The following HERC2 variants were observed in gnomAD, a reference collection of about 807,000 sequenced individuals.
HERC2 encodes HECT and RLD domain containing E3 ubiquitin protein ligase 2, also known as E3 ubiquitin-protein ligase HERC2.
HERC2 carries 102 observed loss-of-function variants against 537.7 expected under a neutral mutation model. The observed-to-expected ratio is 0.19, with a 90% confidence interval of 0.16 to 0.22. The LOEUF is 0.22. Among genes scored for constraint, HERC2 ranks in the 10% least tolerant of loss-of-function variants. The probability of loss-of-function intolerance (pLI) is 1.00; values close to 1 mark genes in which losing one functional copy is unlikely to be tolerated. For synonymous variants in HERC2, 2,224 were observed against 2,466.2 expected (o/e 0.90, Z 2.91); for missense variants, 4,236 against 6,198.2 (o/e 0.68, Z 10.63).
rs373409681 is a variant in HERC2, at chr15:28,228,333, G to A, written c.5349C>T (p.Ala1783=). Residue 1783 remains alanine (A), a synonymous_variant, in exon 35 of 93, where the codon GCC becomes GCT. Transcript: ENST00000261609. ...SGPSLGTIPQ[A]RFLLVMLSML... is the part of the protein sequence containing the mutation. Reference sequence around the variant, plus strand: ...TGCTGAGCATCACCAGGAGGAAGCGGGCTTGCGGGATGGTCCCCAGGCTCG... The same window carrying A: ...TGCTGAGCATCACCAGGAGGAAGCGAGCTTGCGGGATGGTCCCCAGGCTCG... 67 of 1,612,170 alleles carry A rather than the reference G, an allele frequency of 4.2e-5. No homozygotes were observed. The highest frequency in any genetic ancestry group is 5.3e-5 in the Non-Finnish European group (62 of 1,179,872).
chr15:28,151,636 C>T (rs1377339519), intron 70 of HERC2, among the ~76,000 whole-genome samples: 1 of 151,968 alleles, frequency 6.6e-6, no homozygotes, highest in Non-Finnish European at 1.5e-5. Flanking sequence ...CTGAAGACTA[C>T]CAGAATCACT....
intron 4 of HERC2, among the ~76,000 whole-genome samples, chr15:28,288,535 CAA>C (rs1216166029): frequency 3.0e-4 from 25 of 82,378 alleles, no homozygotes; most frequent in Admixed American, 4.0e-4. Flanking sequence ...AACTCCGACT[CAA>C]AAAAAAAAAA....
chr15:28,247,727 C>CTCCTA (rs1457978213), intron 21 of HERC2, among the ~76,000 whole-genome samples: 1 of 152,168 alleles, frequency 6.6e-6, no homozygotes, highest in Non-Finnish European at 1.5e-5. Flanking sequence ...CACACCCAGC[C>CTCCTA]TCCTACATGG....
intron 70 of HERC2, among the ~76,000 whole-genome samples, chr15:28,150,124 C>T (rs181242508): frequency 6.6e-6 from 1 of 151,984 alleles, no homozygotes; most frequent in African/African-American, 2.4e-5. Context: ...GGCTCCTAAC[C>T]GAGAACATCA....
intron 44 of HERC2, among the ~76,000 whole-genome samples, chr15:28,210,088 A>G (rs2140410710): frequency 6.6e-6 from 1 of 151,470 alleles, no homozygotes; most frequent in South Asian, 2.1e-4. Context: ...CAGCCTTCCA[A>G]GTAGCTGGGA....
intron 79 of HERC2, 143 bp from the exon 80 acceptor site, chr15:28,132,973 A>C: frequency 4.5e-6 from 3 of 660,796 alleles, no homozygotes; most frequent in Non-Finnish European, 7.0e-6. Flanking sequence ...CTAAACTCAA[A>C]AGTTCACCAC....
chr15:28,161,120 C>T (rs576641728), intron 69 of HERC2, among the ~76,000 whole-genome samples: 23 of 152,264 alleles, frequency 1.5e-4, no homozygotes, highest in East Asian at 3.9e-4. Context: ...AACTCTGCTG[C>T]GCTTTCAAGA....
In HERC2 at chr15:28,141,464, G is replaced by C. The variant is rs1891215955; in HGVS notation, c.11983C>G (p.Gln3995Glu). 1 of 1,614,036 alleles carries C rather than the reference G, an allele frequency of 6.2e-7. No individual in the cohort carries two copies. Among genetic ancestry groups the C allele is most frequent in the Non-Finnish European group, 8.5e-7 (1 of 1,180,040 alleles). The change falls in exon 78 of 93, where the codon CAG becomes GAG. Residue 3995 changes from glutamine (Q) to glutamate (E), a missense_variant. This residue lies in a region of HERC2 where 43 missense variants were observed against 82.6 expected (regional missense o/e 0.52). Coordinates refer to ENST00000261609, the MANE Select transcript of HERC2 (RefSeq NM_004667.6). ...LRPVQLIGGE[Q>E]TLFAVTADGK... ...TCAGCCGTCACAGCAAAGAGGGTCT[G>C]TTCCCCTCCGATTAACTGCACGGGT...
chr15:28,123,601 G>A (rs554470787), intron 85 of HERC2, among the ~76,000 whole-genome samples: 2 of 152,310 alleles, frequency 1.3e-5, no homozygotes, highest in Admixed American at 6.5e-5. Flanking sequence ...GACCTTCGAG[G>A]TGATATATCT....
chr15:28,276,522 G>A (rs1309412162), intron 5 of HERC2, among the ~76,000 whole-genome samples: 1 of 152,094 alleles, frequency 6.6e-6, no homozygotes, highest in African/African-American at 2.4e-5. Context: ...GTCACTTTAG[G>A]TCAGGAGTTT....
Position 28,125,156 on chromosome 15 carries a change from T to C in HERC2, c.12840A>G (p.Gln4280=), listed in dbSNP as rs759712371. 1.2e-6 allele frequency: 2 copies of C among 1,614,006 alleles called. No homozygotes were observed. The highest frequency in any genetic ancestry group is 2.2e-5 in the East Asian group (1 of 44,870). The change falls in exon 84 of 93, where the codon CAA becomes CAG. Residue 4280 remains glutamine (Q), a synonymous_variant. Transcript: ENST00000261609. The part of the protein sequence containing the change: ...VYTWGDNDEG[Q]LGDGTTNAIQ... ...TGGCATTGGTGGTTCCGTCTCCCAGTTGTCCCTCATCATTGTCGCCCCATG... is the reference window on the plus strand; with the variant it reads ...TGGCATTGGTGGTTCCGTCTCCCAGCTGTCCCTCATCATTGTCGCCCCATG...
chr15:28,117,993 A>C, intron 86 of HERC2: 2 of 222,620 alleles, frequency 9.0e-6, no homozygotes, highest in Non-Finnish European at 1.8e-5. Context: ...CCTCCAGTGA[A>C]GCTCTCTTCA....
chr15:28,235,752 A>T (rs1352805275), intron 26 of HERC2, among the ~76,000 whole-genome samples: 2 of 152,146 alleles, frequency 1.3e-5, no homozygotes, highest in Non-Finnish European at 2.9e-5. Context: ...ATGCTGGCTC[A>T]TCAACAAGAA....
rs560593358 is a variant in HERC2 at position 28,132,413 on chromosome 15, G to C, written c.12409-152C>G. The C allele has an allele frequency of 9.3e-6, 8 of 860,294 alleles. No individual in the cohort carries two copies. The East Asian group carries it at 2.0e-4, about 22-fold the overall frequency. 53.3% of individuals were successfully genotyped at this position (860,294 alleles called of 1,614,324 possible). ...TTCTAAAATCCTATAAGACAAAAGA[G>C]AAAGCACCTTCATCTATTTGAACTA... On this transcript the variant is annotated intron_variant, in intron 80 of 92. Coordinates refer to ENST00000261609, the MANE Select transcript of HERC2 (RefSeq NM_004667.6).
At position 28,113,204 on chromosome 15, in the gene HERC2, A is replaced by T; in HGVS notation, c.14099T>A (p.Leu4700Gln). 6.2e-7 allele frequency: 1 copy of T among 1,614,160 alleles called. No homozygotes were observed. The highest frequency in any genetic ancestry group is 1.1e-5 in the South Asian group (1 of 91,084). ...TYKGIEPSAS[L>Q]IQWFWEVMES... Reference sequence around the variant, plus strand: ...CATCACCTCCCAGAACCACTGGATCAGCGATGCGGAAGGCTCGATGCCTTT... The same window carrying T: ...CATCACCTCCCAGAACCACTGGATCTGCGATGCGGAAGGCTCGATGCCTTT... Residue 4700 changes from leucine (L) to glutamine (Q), a missense_variant, in exon 92 of 93, where the codon CTG (leucine) becomes CAG (glutamine). Transcript: ENST00000261609. The surrounding 1 kb of genome is among the most constrained non-coding windows in gnomAD (Gnocchi z 7.0).
chr15:28,268,294 A>T lies in HERC2; in HGVS notation c.1598+171T>A, dbSNP rs1185225336. ...CCCGTTGCCCTCCACACATGGGCAGAGCTCCTAAGCCATCACCAAGGAGGA... is the reference window on the plus strand; with the variant it reads ...CCCGTTGCCCTCCACACATGGGCAGTGCTCCTAAGCCATCACCAAGGAGGA... On this transcript the variant is annotated intron_variant, in intron 12 of 92. Coordinates refer to ENST00000261609, the MANE Select transcript of HERC2 (RefSeq NM_004667.6). The surrounding 1 kb of genome is among the most constrained non-coding windows in gnomAD (Gnocchi z 4.7). Among the ~76,000 whole-genome samples the T allele has an allele frequency of 2.0e-5, 3 of 152,170 alleles. No individual in the cohort carries two copies. Among genetic ancestry groups the T allele is most frequent in the African/African-American group, 7.2e-5 (3 of 41,444 alleles).
At position 28,124,990 on chromosome 15, in the gene HERC2, A is replaced by ACCTGC; in HGVS notation, c.12990+11_12990+15dup. On this transcript the variant is annotated intron_variant, in intron 84 of 92. Coordinates refer to ENST00000261609, the MANE Select transcript of HERC2 (RefSeq NM_004667.6). The stretch of plus-strand genomic sequence containing the variant: ...ACTTTGCTTGCCCCCGACCCACCCA[A>ACCTGC]CCTGCCCGGACTCACCTGTGCAGGG... 6.3e-7 allele frequency: 1 copy of ACCTGC among 1,580,242 alleles called. No homozygotes were observed. The highest frequency in any genetic ancestry group is 8.7e-7 in the Non-Finnish European group (1 of 1,152,852).
intron 16 of HERC2, among the ~76,000 whole-genome samples, chr15:28,259,124 C>G (rs1385390407): frequency 6.6e-6 from 1 of 152,088 alleles, no homozygotes; most frequent in Admixed American, 6.5e-5. Context: ...GACGGAGTTT[C>G]GCTCTTGTTG....
rs775166505 is a variant in HERC2 at position 28,121,416 on chromosome 15, C to T, written c.13202G>A (p.Arg4401Gln). Residue 4401 changes from arginine to glutamine, a missense_variant, in exon 86 of 93, where the codon CGG (arginine) becomes CAG (glutamine). This residue lies in a region of HERC2 where 189 missense variants were observed against 255.7 expected (regional missense o/e 0.74). Transcript: ENST00000261609. ...LISQGKEAAF[R>Q]KVVQATMVRD... ...TACCATAGTTGCTTGTACTACTTTC[C>T]GGAAAGCCGCCTCCTAAAACACATC... 18 of 1,614,118 alleles carry T rather than the reference C, an allele frequency of 1.1e-5. No homozygotes were observed. The highest frequency in any genetic ancestry group is 6.7e-5 in the East Asian group (3 of 44,858).
Sources: allele counts gnomAD v4.1 joint callset (sites outside exome capture counted in the v4.1 genomes callset), GRCh38; gene constraint gnomAD v4.1.1; regional missense constraint gnomAD v4.1.1; non-coding constraint Gnocchi (gnomAD v3.1); transcripts MANE v1.5; gene names NCBI Gene and HGNC (gene_info 2026-07-23, HGNC 2026-07-21).